NRXN3: variants seen among roughly 807,000 people sequenced by gnomAD.
NRXN3 encodes the protein neurexin III.
Under a neutral mutation model 137.6 loss-of-function variants are expected in NRXN3, and 32 were observed. The observed-to-expected ratio is 0.23, with a 90% CI of 0.18 to 0.31. The LOEUF (loss-of-function observed/expected upper bound fraction) is 0.31, where lower values mean the gene tolerates loss of function less well. Among genes scored for constraint, NRXN3 ranks in the 10% least tolerant of loss-of-function variants. NRXN3 has a pLI of 1.00. For synonymous variants in NRXN3, 798 were observed against 784.5 expected (o/e 1.02, Z -0.29); for missense variants, 1,574 against 2,062.5 (o/e 0.76, Z 4.59).
rs33929389 is a variant in NRXN3 at position 79,023,108 on chromosome 14, C to CTTT, written c.3262+34981_3262+34983dup. Among the ~76,000 whole-genome samples, 1,389 of 139,780 alleles carry CTTT rather than the reference C, an allele frequency of 9.9e-3. 15 individuals are homozygous for CTTT. The highest frequency in any genetic ancestry group is 0.03 in the African/African-American group (1,148 of 37,896). The allele number at this position is 139,780 out of a possible 152,430, so 91.7% of individuals were successfully genotyped here. A position where few individuals can be genotyped will look rare whatever the true frequency, so the allele number is the denominator to read the frequency against. On this transcript the variant is annotated intron_variant, in intron 15 of 20. Transcript: ENST00000335750. Reference sequence around the variant, plus strand: ...TGGACACTCAGTAACAGCCCTTTGCCTTTTTTTTTTTTTTTTAACTTCTTT... The same window carrying CTTT: ...TGGACACTCAGTAACAGCCCTTTGCCTTTTTTTTTTTTTTTTTTTAACTTCTTT...
intron 1 of NRXN3, among the ~76,000 whole-genome samples, chr14:78,199,468 T>C (rs1349479051): frequency 6.6e-6 from 1 of 152,194 alleles, no homozygotes; most frequent in African/African-American, 2.4e-5. Flanking sequence ...TACACATCTG[T>C]ATATTTTTTT....
At chr14:78,247,307 G>A (rs2067841078) in intron 2 of NRXN3, among the ~76,000 whole-genome samples, 1 of 152,226 alleles carries the variant, frequency 6.6e-6, no homozygotes, top group African/African-American at 2.4e-5. Flanking sequence ...AGAAGACACA[G>A]GAGGTAGTTG....
intron 10 of NRXN3, among the ~76,000 whole-genome samples, chr14:78,924,870 AG>A (rs1260473910): frequency 6.6e-6 from 1 of 152,162 alleles, no homozygotes; most frequent in Non-Finnish European, 1.5e-5. Flanking sequence ...TCTCAGAAAT[AG>A]GGGGGAATTG....
intron 15 of NRXN3, among the ~76,000 whole-genome samples, chr14:79,015,783 A>G (rs77877719): frequency 0.031 from 4,718 of 152,320 alleles, 107 homozygotes; most frequent in Middle Eastern, 0.051. Context: ...TAAACACAGT[A>G]GTCCAACACC....
intron 16 of NRXN3, among the ~76,000 whole-genome samples, chr14:79,620,108 G>A (rs1222004359): frequency 6.6e-6 from 1 of 152,004 alleles, no homozygotes; most frequent in South Asian, 2.1e-4. Flanking sequence ...ATAAATAGAA[G>A]GGGATAAACC....
intron 15 of NRXN3, among the ~76,000 whole-genome samples, chr14:79,025,148 T>C (rs1046108192): frequency 6.6e-6 from 1 of 152,194 alleles, no homozygotes; most frequent in Non-Finnish European, 1.5e-5. Context: ...GTCCTGATAT[T>C]CTATTCATTA....
At chr14:78,467,040 CTT>C (rs1056551517) in intron 4 of NRXN3, among the ~76,000 whole-genome samples, 3 of 152,168 alleles carry the variant, frequency 2.0e-5, no homozygotes, top group Non-Finnish European at 4.4e-5. Flanking sequence ...TAAGCTCTCT[CTT>C]TGAGTTGTTC....
intron 10 of NRXN3, among the ~76,000 whole-genome samples, chr14:78,899,823 C>A (rs1432582425): frequency 1.3e-5 from 2 of 151,972 alleles, no homozygotes; most frequent in Admixed American, 6.6e-5. Flanking sequence ...ACCTCAAATT[C>A]TTTTCTACCC....
intron 15 of NRXN3, among the ~76,000 whole-genome samples, chr14:79,224,345 A>G (rs2153234185): frequency 6.6e-6 from 1 of 152,312 alleles, no homozygotes; most frequent in South Asian, 2.1e-4. Flanking sequence ...TGTCAATATG[A>G]AGCACAGATG....
At chr14:79,843,451 G>A (rs1007763873) in intron 20 of NRXN3, among the ~76,000 whole-genome samples, 13 of 152,230 alleles carry the variant, frequency 8.5e-5, no homozygotes, top group African/African-American at 2.9e-4. Flanking sequence ...CTGAAGGTTG[G>A]GATGGCTGTG....
chr14:79,337,472 G>C (rs2092339203), intron 15 of NRXN3, among the ~76,000 whole-genome samples: 1 of 152,156 alleles, frequency 6.6e-6, no homozygotes, highest in South Asian at 2.1e-4. Context: ...TCAGGAAAAG[G>C]ATGGCGATAT....
chr14:78,345,613 C>T (rs1395685768), intron 4 of NRXN3, among the ~76,000 whole-genome samples: 2 of 152,058 alleles, frequency 1.3e-5, no homozygotes, highest in African/African-American at 2.4e-5. Context: ...CCTCTCTCTC[C>T]TCCCCTCTCT....
At chr14:79,414,580 A>G (rs1289598411) in intron 15 of NRXN3, among the ~76,000 whole-genome samples, 9 of 152,288 alleles carry the variant, frequency 5.9e-5, no homozygotes, top group Middle Eastern at 3.4e-3. Flanking sequence ...GATATAATTG[A>G]CGAATAATAT....
At chr14:78,515,933 A>C (rs1044335083) in intron 4 of NRXN3, among the ~76,000 whole-genome samples, 1 of 152,132 alleles carries the variant, frequency 6.6e-6, no homozygotes, top group Non-Finnish European at 1.5e-5. Context: ...TGAGCGCCTT[A>C]AGCACTTTAA....
chr14:78,470,652 T>G (rs1480915787), intron 4 of NRXN3, among the ~76,000 whole-genome samples: 1 of 151,858 alleles, frequency 6.6e-6, no homozygotes, highest in African/African-American at 2.4e-5. Context: ...GGAGGAAGAA[T>G]GAATACAATA....
chr14:79,363,102 G>A (rs1599190192), intron 15 of NRXN3, among the ~76,000 whole-genome samples: 1 of 151,642 alleles, frequency 6.6e-6, no homozygotes, highest in African/African-American at 2.4e-5. Context: ...CTGGGTTCAA[G>A]CAATTCTCCT....
chr14:78,250,285 A>C (rs1053515620), intron 2 of NRXN3, among the ~76,000 whole-genome samples: 2 of 152,208 alleles, frequency 1.3e-5, no homozygotes, highest in Non-Finnish European at 2.9e-5. Flanking sequence ...AAAGGATTTA[A>C]TGAGATAAAA....
chr14:79,547,926 A>C (rs372808809), intron 16 of NRXN3, among the ~76,000 whole-genome samples: 71 of 152,204 alleles, frequency 4.7e-4, no homozygotes, highest in African/African-American at 1.6e-3. Flanking sequence ...TGACTTAGGC[A>C]ACTTTAACAA....
intron 15 of NRXN3, among the ~76,000 whole-genome samples, chr14:79,333,112 T>C (rs1393437881): frequency 2.0e-5 from 3 of 152,096 alleles, no homozygotes; most frequent in African/African-American, 7.2e-5. Context: ...TGAAAGCATT[T>C]CTTTGGTAAT....
Sources: allele counts gnomAD v4.1 joint callset (sites outside exome capture counted in the v4.1 genomes callset), GRCh38; gene constraint gnomAD v4.1.1; transcripts MANE v1.5; gene names NCBI Gene and HGNC (gene_info 2026-07-23, HGNC 2026-07-21).